SND1: variants seen among roughly 807,000 people sequenced by gnomAD.
The protein encoded by SND1 is staphylococcal nuclease and tudor domain containing 1.
Under a neutral mutation model 121.7 loss-of-function variants are expected in SND1, and 38 were observed. The ratio of observed to expected loss-of-function variants is 0.31; its 90% CI spans 0.24 to 0.41. SND1 has a LOEUF of 0.41. Among genes scored for constraint, SND1 ranks in the 10% least tolerant of loss-of-function variants. The probability of loss-of-function intolerance (pLI) is 1.00; values close to 1 mark genes in which losing one functional copy is unlikely to be tolerated. For missense variants in SND1, 868 were observed against 1,184.6 expected (o/e 0.73, Z 3.92); for synonymous variants, 401 against 447.4 (o/e 0.90, Z 1.31).
Position 128,029,512 on chromosome 7 carries a change from G to A in SND1, c.1779+38456G>A, listed in dbSNP as rs773014029. 5.6e-6 allele frequency: 9 copies of A among 1,614,078 alleles called. No individual in the cohort carries two copies. The Middle Eastern group carries it at 4.9e-4, about 89-fold the overall frequency. ...AACCACTTCACGGAGGACATAGGGG[G>A]AGTCCGACACTTAAGTTCTGCCATC... On this transcript the variant is annotated intron_variant, in intron 16 of 23. Coordinates refer to ENST00000354725, the MANE Select transcript of SND1 (RefSeq NM_014390.4). This position sits in a 1 kb window ranked among gnomAD's most constrained non-coding sequence, Gnocchi z 4.2.
In SND1 at chr7:127,958,295, T is replaced by C. The variant is rs145515354; in HGVS notation, c.1669+28966T>C. 6.2e-3 allele frequency among the ~76,000 whole-genome samples: 952 copies of C among 152,368 alleles called. 5 individuals carry two copies. The highest frequency in any genetic ancestry group is 0.034 in the South Asian group (162 of 4,830). On this transcript the variant is annotated intron_variant, in intron 15 of 23. Transcript: ENST00000354725. ...GGCACTTAATGTTTACCAATGCTGT[T>C]ACGTGCTTCATAGTAAATTATCTGA...
chr7:127,705,022 C>G, intron 8 of SND1, 77 bp downstream of exon 8: 1 of 1,183,804 alleles, frequency 8.4e-7, no homozygotes, highest in Non-Finnish European at 1.3e-6. Flanking sequence ...GTGATTTGCT[C>G]ACACCCCTGT....
intron 11 of SND1, among the ~76,000 whole-genome samples, chr7:127,819,261 G>A (rs1038352654): frequency 6.6e-6 from 1 of 152,188 alleles, no homozygotes; most frequent in Non-Finnish European, 1.5e-5. Context: ...GAAGAGATGA[G>A]ACATTTCAGT....
intron 11 of SND1, among the ~76,000 whole-genome samples, chr7:127,839,813 C>G (rs190842682): frequency 6.6e-6 from 1 of 152,220 alleles, no homozygotes; most frequent in East Asian, 1.9e-4. Flanking sequence ...TCATATTTGG[C>G]TTGCTTCATC....
intron 21 of SND1, among the ~76,000 whole-genome samples, chr7:128,089,117 C>T (rs963726380): frequency 6.6e-6 from 1 of 152,098 alleles, no homozygotes; most frequent in Non-Finnish European, 1.5e-5. Context: ...TGCAGTGGCG[C>T]AATATTGGCT....
intron 10 of SND1, among the ~76,000 whole-genome samples, chr7:127,748,376 G>A (rs753398546): frequency 4.6e-5 from 7 of 152,172 alleles, no homozygotes; most frequent in South Asian, 2.1e-4. Context: ...GTTCTGGATC[G>A]GAATCAGATT....
chr7:127,865,533 G>A (rs1192834613), intron 12 of SND1, among the ~76,000 whole-genome samples: 1 of 152,036 alleles, frequency 6.6e-6, no homozygotes, highest in African/African-American at 2.4e-5. Context: ...ACAAACAAAA[G>A]ATTTAATTAA....
At chr7:127,825,496 C>T (rs962605373) in intron 11 of SND1, among the ~76,000 whole-genome samples, 3 of 151,732 alleles carry the variant, frequency 2.0e-5, no homozygotes, top group Admixed American at 1.3e-4. Flanking sequence ...CAACCTCTGC[C>T]TCCCAGGTTC....
intron 11 of SND1, among the ~76,000 whole-genome samples, chr7:127,832,863 C>A (rs1016060976): frequency 2.0e-5 from 3 of 152,220 alleles, no homozygotes; most frequent in African/African-American, 7.2e-5. Flanking sequence ...GCATTAGATT[C>A]TCATAGAAGT....
At chr7:128,021,653 T>C (rs566027271) in intron 16 of SND1, among the ~76,000 whole-genome samples, 1 of 152,186 alleles carries the variant, frequency 6.6e-6, no homozygotes, top group South Asian at 2.1e-4. Flanking sequence ...CAGCACCAGC[T>C]TAGAGACACA....
chr7:127,683,148 T>C lies in SND1; in HGVS notation c.79-3465T>C, dbSNP rs115438455. The stretch of plus-strand genomic sequence containing the variant: ...AAAGACTGTTGGCGAGTAAGACAGG[T>C]GGGAGAGTTTAACAGTGGTTGGCAG... On this transcript the variant is annotated intron_variant, in intron 1 of 23. Coordinates refer to ENST00000354725, the MANE Select transcript of SND1 (RefSeq NM_014390.4). Among the ~76,000 whole-genome samples, 581 of 152,254 alleles carry C rather than the reference T, an allele frequency of 3.8e-3. 8 individuals are homozygous for C. Among genetic ancestry groups the C allele is most frequent in the African/African-American group, 0.013 (557 of 41,548 alleles).
intron 10 of SND1, among the ~76,000 whole-genome samples, chr7:127,760,248 A>G (rs573316371): frequency 2.1e-4 from 32 of 152,300 alleles, no homozygotes; most frequent in Admixed American, 3.3e-4. Context: ...CCGGATGAGG[A>G]ATGGAAAAGG....
chr7:127,714,477 T>G (rs1309950714), intron 9 of SND1, among the ~76,000 whole-genome samples: 3 of 152,202 alleles, frequency 2.0e-5, no homozygotes, highest in Non-Finnish European at 4.4e-5. Context: ...CTCAAATTGT[T>G]TATAATGACA....
intron 16 of SND1, among the ~76,000 whole-genome samples, chr7:128,060,297 G>C (rs552587953): frequency 6.6e-6 from 1 of 152,198 alleles, no homozygotes; most frequent in Non-Finnish European, 1.5e-5. Context: ...GGGTTGTAGG[G>C]GATGGGTTGG....
At chr7:127,985,767 A>G (rs951678452) in intron 15 of SND1, among the ~76,000 whole-genome samples, 3 of 152,188 alleles carry the variant, frequency 2.0e-5, no homozygotes, top group South Asian at 2.1e-4. Context: ...CATTAGTTCA[A>G]TGGAGAGTAG....
At chr7:128,047,276 C>G (rs968861182) in intron 16 of SND1, among the ~76,000 whole-genome samples, 2 of 152,212 alleles carry the variant, frequency 1.3e-5, no homozygotes, top group African/African-American at 4.8e-5. Flanking sequence ...TGGACCTTTC[C>G]ACAGTGAGTG....
intron 12 of SND1, among the ~76,000 whole-genome samples, chr7:127,854,258 A>G (rs1169975610): frequency 1.3e-5 from 2 of 152,110 alleles, no homozygotes; most frequent in African/African-American, 4.8e-5. Context: ...CCTCCCAAGT[A>G]GCTGGGATTA....
At chr7:127,934,154 C>T (rs1181154145) in intron 15 of SND1, among the ~76,000 whole-genome samples, 1 of 93,994 alleles carries the variant, frequency 1.1e-5, no homozygotes, top group Admixed American at 9.9e-5. Flanking sequence ...TTTTGAAGTA[C>T]ATATGAGTTT....
intron 10 of SND1, among the ~76,000 whole-genome samples, chr7:127,739,235 T>C (rs770225312): frequency 2.6e-4 from 39 of 152,222 alleles, no homozygotes; most frequent in African/African-American, 8.9e-4. Context: ...AAAGTAATTT[T>C]AGCTTGTAGA....
Sources: gnomAD v4.1 joint callset for allele counts (sites outside exome capture counted in the v4.1 genomes callset) on GRCh38, gnomAD v4.1.1 for gene constraint, Gnocchi (gnomAD v3.1) non-coding constraint, MANE v1.5 for transcripts, NCBI Gene and HGNC (gene_info 2026-07-23, HGNC 2026-07-21) for gene names.